Variants in UBA2 observed in about 807,000 individuals in gnomAD.
UBA2 encodes the protein SUMO-activating enzyme subunit 2.
In UBA2, 11 loss-of-function variants were observed where a neutral mutation model predicts 77.2. That is an observed-to-expected ratio of 0.14 (90% CI 0.09 to 0.24). The LOEUF is 0.24. Ranked by LOEUF, UBA2 falls within the 10% of genes least tolerant of loss-of-function variation. The pLI, the probability that UBA2 is intolerant of heterozygous loss-of-function variation, is 1.00. For missense variants in UBA2, 487 were observed against 781.7 expected (o/e 0.62, Z 4.50); for synonymous variants, 278 against 276.7 (o/e 1.00, Z -0.05).
chr19:34,464,415 G>A (rs148155522), intron 15 of UBA2, among the ~76,000 whole-genome samples: 1,892 of 152,094 alleles, frequency 0.012, 46 homozygotes, highest in African/African-American at 0.044. Context: ...AAAATTAGCC[G>A]GGCATAGTGG....
At chr19:34,436,603 T>G (rs1363838668) in intron 5 of UBA2, among the ~76,000 whole-genome samples, 1 of 152,130 alleles carries the variant, frequency 6.6e-6, no homozygotes. Flanking sequence ...CTGGCACATA[T>G]CTCAGTTTTT....
At chr19:34,449,414 T>G (rs2075468456) in intron 8 of UBA2, among the ~76,000 whole-genome samples, 1 of 128,172 alleles carries the variant, frequency 7.8e-6, no homozygotes, top group South Asian at 2.7e-4. Context: ...AATTGTATTC[T>G]GATTATTTGT....
At chr19:34,464,205 G>A in intron 15 of UBA2, 74 bp downstream of exon 15, 1 of 1,045,046 alleles carries the variant, frequency 9.6e-7, no homozygotes. Context: ...AAGGAAAAGT[G>A]TTTTCTTATC....
chr19:34,445,601 G>A (rs1167363751), intron 8 of UBA2, among the ~76,000 whole-genome samples: 1 of 152,014 alleles, frequency 6.6e-6, no homozygotes, highest in African/African-American at 2.4e-5. Context: ...ATCAGGCCTG[G>A]CTAATTTTGT....
intron 6 of UBA2, among the ~76,000 whole-genome samples, 166 bp downstream of exon 6, chr19:34,438,932 G>C (rs2075338422): frequency 6.6e-6 from 1 of 152,112 alleles, no homozygotes; most frequent in Admixed American, 6.6e-5. Context: ...TAGCTGGCCG[G>C]GTGCGGTGGC....
intron 15 of UBA2, among the ~76,000 whole-genome samples, chr19:34,464,514 C>T (rs768061932): frequency 2.7e-5 from 4 of 150,496 alleles, no homozygotes; most frequent in South Asian, 2.1e-4. Flanking sequence ...GCCGGGATCG[C>T]GCCATTGCAC....
rs1339846920 is a variant in UBA2, at chr19:34,464,073, C to T, written c.1546C>T (p.Arg516Trp). The T allele has an allele frequency of 1.7e-5, 28 of 1,613,930 alleles. No homozygotes were observed. The highest frequency in any genetic ancestry group is 2.7e-5 in the African/African-American group (2 of 75,018). Reference protein sequence around the residue: ...LSEFGIRNGSRLQADDFLQDY... With the variant: ...LSEFGIRNGSWLQADDFLQDY... ...AGAATTTGGAATTAGAAATGGCAGC[C>T]GGCTTCAAGCAGATGACTTCCTCCA... The change falls in exon 15 of 17, where the codon CGG becomes TGG. Residue 516 changes from arginine to tryptophan, a missense_variant. Arg to Trp is a moderately radical substitution (Grantham distance 101, BLOSUM62 -3). Transcript: ENST00000246548.
At chr19:34,467,264 T>C (rs1228396414) in intron 16 of UBA2, 1 of 424,408 alleles carries the variant, frequency 2.4e-6, no homozygotes, top group Non-Finnish European at 4.2e-6. Context: ...GGCCAGGAGT[T>C]GGAGAACAGC....
intron 6 of UBA2, among the ~76,000 whole-genome samples, chr19:34,440,815 A>G (rs2075360515): frequency 6.6e-6 from 1 of 151,722 alleles, no homozygotes; most frequent in Admixed American, 6.6e-5. Context: ...AATCCCAGCT[A>G]CTTGGGAGGC....
At chr19:34,449,477 A>G (rs2145532341) in intron 8 of UBA2, among the ~76,000 whole-genome samples, 1 of 152,320 alleles carries the variant, frequency 6.6e-6, no homozygotes, top group African/African-American at 2.4e-5. Context: ...GTATTGATGG[A>G]TTAAGTATAT....
intron 2 of UBA2, among the ~76,000 whole-genome samples, 161 bp from the exon 3 acceptor site, chr19:34,431,700 G>A (rs980449433): frequency 1.3e-5 from 2 of 152,204 alleles, no homozygotes; most frequent in East Asian, 3.9e-4. Flanking sequence ...TTTTATAAGT[G>A]TAGCTTAACC....
At chr19:34,456,627 A>T (rs982553988) in intron 12 of UBA2, among the ~76,000 whole-genome samples, 3 of 150,762 alleles carry the variant, frequency 2.0e-5, no homozygotes, top group South Asian at 4.2e-4. Context: ...GCGCGATCTC[A>T]GCTCACTGCA....
chr19:34,428,888 C>T, intron 1 of UBA2: 6 of 1,025,420 alleles, frequency 5.9e-6, no homozygotes, highest in Non-Finnish European at 7.0e-6. Flanking sequence ...AACAAATTCC[C>T]GGCTGTTAGG....
At chr19:34,432,156 G>A (rs2075263163) in intron 3 of UBA2, 2 of 331,822 alleles carry the variant, frequency 6.0e-6, no homozygotes, top group Non-Finnish European at 5.4e-6. Context: ...TAAGTTACTT[G>A]GAAATTTATA....
chr19:34,431,099 G>C (rs939575965), intron 2 of UBA2, among the ~76,000 whole-genome samples: 1 of 151,980 alleles, frequency 6.6e-6, no homozygotes, highest in African/African-American at 2.4e-5. Context: ...CTCCCAACCT[G>C]TTTGGCAAAC....
chr19:34,444,369 C>CA (rs1034745016), intron 7 of UBA2, among the ~76,000 whole-genome samples: 2 of 151,278 alleles, frequency 1.3e-5, no homozygotes, highest in African/African-American at 2.4e-5. Context: ...CAATGTTTTA[C>CA]AAAAAAAATA....
At chr19:34,460,225 C>CA (rs2075615833) in intron 13 of UBA2, among the ~76,000 whole-genome samples, 1 of 152,242 alleles carries the variant, frequency 6.6e-6, no homozygotes, top group Admixed American at 6.5e-5. Context: ...AAGAGCCAGC[C>CA]AGGGAGTTCC....
chr19:34,435,073 A>G, intron 5 of UBA2, 105 bp downstream of exon 5: 1 of 810,586 alleles, frequency 1.2e-6, no homozygotes, highest in South Asian at 1.6e-5. Flanking sequence ...GTGAACATCC[A>G]AAATGTAAGG....
chr19:34,446,685 C>G (rs1599909043), intron 8 of UBA2, among the ~76,000 whole-genome samples: 2 of 151,252 alleles, frequency 1.3e-5, no homozygotes, highest in Admixed American at 6.6e-5. Flanking sequence ...TCTCAGCTTG[C>G]TGCAACCTCT....
Sources: gnomAD v4.1 joint callset for allele counts (sites outside exome capture counted in the v4.1 genomes callset) on GRCh38, gnomAD v4.1.1 for gene constraint, MANE v1.5 for transcripts, NCBI Gene and HGNC (gene_info 2026-07-23, HGNC 2026-07-21) for gene names.